CNTN5: variants seen among roughly 807,000 people sequenced by gnomAD.
CNTN5 encodes contactin-5.
A neutral mutation model predicts 129.1 loss-of-function variants in CNTN5; 77 were observed. That is an observed-to-expected ratio of 0.60 (90% CI 0.50 to 0.72). The LOEUF is 0.72. Ranked by LOEUF, CNTN5 falls within the 30% of genes least tolerant of loss-of-function variation. CNTN5 has a pLI of 0.00. For missense variants in CNTN5, 1,478 were observed against 1,328.8 expected (o/e 1.11, Z -1.75); for synonymous variants, 509 against 465.6 (o/e 1.09, Z -1.20).
At chr11:99,043,801 C>G (rs539730656) in intron 1 of CNTN5, among the ~76,000 whole-genome samples, 1 of 152,292 alleles carries the variant, frequency 6.6e-6, no homozygotes, top group Middle Eastern at 3.4e-3. Context: ...ACGGCATTAA[C>G]TAAATATCTC....
intron 1 of CNTN5, among the ~76,000 whole-genome samples, chr11:99,257,576 A>T (rs1266200218): frequency 2.6e-5 from 4 of 152,028 alleles, no homozygotes; most frequent in African/African-American, 9.7e-5. Context: ...GTAATTTTTT[A>T]TTCATTTATT....
intron 16 of CNTN5, among the ~76,000 whole-genome samples, chr11:100,230,780 T>C (rs924120366): frequency 1.3e-5 from 2 of 152,224 alleles, no homozygotes; most frequent in African/African-American, 2.4e-5. Flanking sequence ...GGTTTCTTGA[T>C]GGGAGTATTT....
chr11:100,344,881 C>A (rs1383075193), intron 23 of CNTN5, among the ~76,000 whole-genome samples: 1 of 151,914 alleles, frequency 6.6e-6, no homozygotes. Flanking sequence ...ATTAATACCT[C>A]TAGGAATTTT....
chr11:100,096,338 G>A (rs549437159), intron 13 of CNTN5, among the ~76,000 whole-genome samples: 82 of 152,124 alleles, frequency 5.4e-4, no homozygotes, highest in Admixed American at 1.4e-3. Flanking sequence ...AAAAGAGATC[G>A]CGCTTTCAAT....
At chr11:100,315,577 T>C (rs1951559156) in intron 21 of CNTN5, among the ~76,000 whole-genome samples, 1 of 152,134 alleles carries the variant, frequency 6.6e-6, no homozygotes, top group Non-Finnish European at 1.5e-5. Flanking sequence ...AGGTAACAAT[T>C]AGGCTACATG....
chr11:99,067,794 A>G (rs1477486177), intron 1 of CNTN5, among the ~76,000 whole-genome samples: 1 of 152,140 alleles, frequency 6.6e-6, no homozygotes, highest in Admixed American at 6.6e-5. Context: ...TTAATTTATT[A>G]AGTAATTAAT....
chr11:99,803,082 T>C (rs969233414), intron 3 of CNTN5, among the ~76,000 whole-genome samples: 2 of 152,146 alleles, frequency 1.3e-5, no homozygotes, highest in Admixed American at 6.5e-5. Context: ...TGCCTGGGCA[T>C]AGAGCAAATA....
intron 10 of CNTN5, among the ~76,000 whole-genome samples, chr11:100,063,706 T>TA (rs35896237): frequency 0.019 from 2,193 of 115,228 alleles, 43 homozygotes; most frequent in East Asian, 0.047. Context: ...AACCTGTCTC[T>TA]AAAAAAAAAA....
chr11:99,581,072 C>T (rs1366147838), intron 3 of CNTN5, among the ~76,000 whole-genome samples: 3 of 142,136 alleles, frequency 2.1e-5, no homozygotes, highest in Non-Finnish European at 4.6e-5. Flanking sequence ...TTTATTTCTG[C>T]CTTCATTTCA....
At chr11:99,339,972 G>A (rs774043463) in intron 2 of CNTN5, among the ~76,000 whole-genome samples, 4 of 152,076 alleles carry the variant, frequency 2.6e-5, no homozygotes, top group Non-Finnish European at 4.4e-5. Flanking sequence ...CCTCCGTAAG[G>A]GTATATATAG....
intron 3 of CNTN5, among the ~76,000 whole-genome samples, chr11:99,609,357 A>C (rs1399439169): frequency 6.6e-6 from 1 of 152,136 alleles, no homozygotes; most frequent in Non-Finnish European, 1.5e-5. Context: ...AATTATTCTG[A>C]GCATCTGACT....
intron 7 of CNTN5, among the ~76,000 whole-genome samples, chr11:99,950,723 T>C (rs1950654795): frequency 6.6e-6 from 1 of 152,262 alleles, no homozygotes; most frequent in South Asian, 2.1e-4. Context: ...TTGAGCAGTT[T>C]CTTCATGTTG....
intron 2 of CNTN5, among the ~76,000 whole-genome samples, chr11:99,483,683 G>C (rs1945693754): frequency 6.6e-6 from 1 of 151,166 alleles, no homozygotes; most frequent in South Asian, 2.1e-4. Context: ...CAGGGTTGTG[G>C]GGTTGCGGGG....
chr11:100,155,274 T>G (rs1947200587), intron 13 of CNTN5, among the ~76,000 whole-genome samples: 1 of 151,940 alleles, frequency 6.6e-6, no homozygotes, highest in Non-Finnish European at 1.5e-5. Flanking sequence ...TTATTACATA[T>G]TGATTCCTTT....
intron 2 of CNTN5, among the ~76,000 whole-genome samples, chr11:99,463,439 A>AAAAT: frequency 8.5e-6 from 1 of 118,226 alleles, no homozygotes; most frequent in Non-Finnish European, 1.7e-5. Context: ...CTCTGTCTCA[A>AAAAT]AAAGAAAAAA....
At chr11:99,688,086 G>A (rs1953871632) in intron 3 of CNTN5, among the ~76,000 whole-genome samples, 1 of 152,064 alleles carries the variant, frequency 6.6e-6, no homozygotes, top group African/African-American at 2.4e-5. Flanking sequence ...GATTCCCTTT[G>A]CGATATATTC....
intron 6 of CNTN5, among the ~76,000 whole-genome samples, chr11:99,914,429 T>C (rs1949736801): frequency 6.6e-6 from 1 of 152,150 alleles, no homozygotes; most frequent in Non-Finnish European, 1.5e-5. Context: ...TATTTGTTTG[T>C]TTGTTACAGA....
chr11:99,964,802 G>T (rs1267432933), intron 8 of CNTN5, among the ~76,000 whole-genome samples: 1 of 151,824 alleles, frequency 6.6e-6, no homozygotes, highest in Non-Finnish European at 1.5e-5. Context: ...ACTTTTTTTT[G>T]GTTGGTAAGC....
chr11:99,110,272 G>T (rs1279043897), intron 1 of CNTN5, among the ~76,000 whole-genome samples: 1 of 152,154 alleles, frequency 6.6e-6, no homozygotes, highest in Non-Finnish European at 1.5e-5. Context: ...TGATAATTCT[G>T]CAGAATTAAA....
Sources: gnomAD v4.1 joint callset for allele counts (sites outside exome capture counted in the v4.1 genomes callset) on GRCh38, gnomAD v4.1.1 for gene constraint, MANE v1.5 for transcripts, NCBI Gene and HGNC (gene_info 2026-07-23, HGNC 2026-07-21) for gene names.